Variants in RWDD1 observed in about 807,000 individuals in gnomAD.
The protein encoded by RWDD1 is RWD domain containing 1.
In RWDD1, 17 loss-of-function variants were observed where a neutral mutation model predicts 31.6. The observed-to-expected ratio is 0.54, with a 90% CI of 0.37 to 0.81. RWDD1 has a LOEUF of 0.81. Ranked by LOEUF, RWDD1 falls within the 30% of genes least tolerant of loss-of-function variation. The probability of loss-of-function intolerance (pLI) is 0.00; values close to 1 mark genes in which losing one functional copy is unlikely to be tolerated. For missense variants in RWDD1, 204 were observed against 274.5 expected (o/e 0.74, Z 1.82); for synonymous variants, 78 against 94.2 (o/e 0.83, Z 0.99).
rs1775123022 is a variant in RWDD1, at chr6:116,590,500, AATAT to A, written c.547+98_547+101del. On this transcript the variant is annotated intron_variant, in intron 5 of 6. Coordinates refer to ENST00000466444, the MANE Select transcript of RWDD1 (RefSeq NM_015952.4). ...TTTGGTCAGATTTCTGTAAGAAAAT[AATAT>A]ACATAGGCATCTAGGACAAAAAGAG... 2.8e-6 allele frequency: 4 copies of A among 1,413,622 alleles called. No homozygotes were observed. The East Asian group carries it at 9.7e-5, about 34-fold the overall frequency. The allele number at this position is 1,413,622 out of a possible 1,614,324, so 87.6% of individuals were successfully genotyped here.
At position 116,593,299 on chromosome 6, in the gene RWDD1, G is replaced by A; in HGVS notation, c.*198G>A. The A allele has an allele frequency of 2.1e-6, 1 of 471,782 alleles. No individual in the cohort carries two copies. The highest frequency in any genetic ancestry group is 3.5e-6 in the Non-Finnish European group (1 of 282,568). The allele number at this position is 471,782 out of a possible 1,614,324, so 29.2% of individuals were successfully genotyped here. The stretch of plus-strand genomic sequence containing the variant: ...AATGTTCAAGGCTTCTTACTGTTGA[G>A]CACAAGGTTACGTATTTAAAATCAC... On this transcript the variant is annotated 3_prime_UTR_variant, in exon 7 of 7. Coordinates refer to ENST00000466444, the MANE Select transcript of RWDD1 (RefSeq NM_015952.4).
At chr6:116,578,431 C>T (rs925136189) in intron 1 of RWDD1, among the ~76,000 whole-genome samples, 3 of 152,144 alleles carry the variant, frequency 2.0e-5, no homozygotes, top group African/African-American at 4.8e-5. Flanking sequence ...AGCACAAGCA[C>T]AAAGTGATGC....
chr6:116,583,726 C>T (rs1184092742), intron 2 of RWDD1, among the ~76,000 whole-genome samples: 1 of 151,806 alleles, frequency 6.6e-6, no homozygotes, highest in Non-Finnish European at 1.5e-5. Context: ...AATCTTGTTC[C>T]ACCAATAAAA....
Position 116,590,869 on chromosome 6 carries a change from AC to A in RWDD1, c.548-18del, listed in dbSNP as rs1775130755. 2.0e-6 allele frequency: 3 copies of A among 1,502,762 alleles called. No individual in the cohort carries two copies. Among genetic ancestry groups the A allele is most frequent in the Non-Finnish European group, 1.8e-6 (2 of 1,117,462 alleles). 93.1% of individuals were successfully genotyped at this position (1,502,762 alleles called of 1,614,324 possible). ...AAACTATGCCATTTGAATTAAACAT[AC>A]TTTTTTTTTTTTTTTAGGGAAACAA... On this transcript the variant is annotated intron_variant, in intron 5 of 6. Coordinates refer to ENST00000466444, the MANE Select transcript of RWDD1 (RefSeq NM_015952.4).
At chr6:116,576,448 G>A (rs147993568) in intron 1 of RWDD1, among the ~76,000 whole-genome samples, 30 of 152,184 alleles carry the variant, frequency 2.0e-4, no homozygotes, top group Middle Eastern at 3.4e-3. Flanking sequence ...TTTGTACCCT[G>A]TAGTTCTTTT....
intron 4 of RWDD1, among the ~76,000 whole-genome samples, chr6:116,589,830 A>T (rs1775106374): frequency 1.3e-5 from 2 of 152,170 alleles, no homozygotes; most frequent in Non-Finnish European, 2.9e-5. Flanking sequence ...TGTGAGATTT[A>T]TTCACTATCA....
chr6:116,583,086 T>C (rs1288886072), intron 2 of RWDD1, among the ~76,000 whole-genome samples: 1 of 151,980 alleles, frequency 6.6e-6, no homozygotes, highest in African/African-American at 2.4e-5. Flanking sequence ...CAAGCAGTTC[T>C]CCCACCTCAG....
intron 1 of RWDD1, among the ~76,000 whole-genome samples, chr6:116,577,239 A>C (rs1293468069): frequency 6.6e-6 from 1 of 152,222 alleles, no homozygotes; most frequent in Non-Finnish European, 1.5e-5. Context: ...AGGATGGGGT[A>C]GAATGAGGAG....
chr6:116,579,698 A>G (rs778104074), intron 1 of RWDD1, among the ~76,000 whole-genome samples: 1 of 152,182 alleles, frequency 6.6e-6, no homozygotes, highest in Non-Finnish European at 1.5e-5. Flanking sequence ...ATTACATGCA[A>G]TCTGATGTTT....
intron 6 of RWDD1, among the ~76,000 whole-genome samples, chr6:116,591,586 C>A (rs1170234931): frequency 6.6e-6 from 1 of 152,252 alleles, no homozygotes; most frequent in African/African-American, 2.4e-5. Flanking sequence ...TTCCATCTAT[C>A]CATCATCGAT....
chr6:116,580,858 TTAAA>T (rs1487114501), intron 2 of RWDD1, among the ~76,000 whole-genome samples: 3 of 152,098 alleles, frequency 2.0e-5, no homozygotes, highest in Non-Finnish European at 4.4e-5. Context: ...TAAATTAAAG[TTAAA>T]TAAATTAAAT....
At chr6:116,577,603 A>G (rs917436624) in intron 1 of RWDD1, among the ~76,000 whole-genome samples, 1 of 151,910 alleles carries the variant, frequency 6.6e-6, no homozygotes, top group Non-Finnish European at 1.5e-5. Context: ...GTGGCATCAC[A>G]TTCTCAGCCT....
chr6:116,592,435 A>G (rs73553480), intron 6 of RWDD1, among the ~76,000 whole-genome samples: 13 of 152,244 alleles, frequency 8.5e-5, no homozygotes, highest in African/African-American at 3.1e-4. Context: ...TGTATTACCT[A>G]CTTCAGACAC....
chr6:116,593,156 T>C lies in RWDD1; in HGVS notation c.*55T>C. Reference sequence around the variant, plus strand: ...ACTGCCACAGCATCTGTGGCTATGCTCAGAGGGTTATGATTTTCCTTTCTT... The same window carrying C: ...ACTGCCACAGCATCTGTGGCTATGCCCAGAGGGTTATGATTTTCCTTTCTT... On this transcript the variant is annotated 3_prime_UTR_variant, in exon 7 of 7. Transcript: ENST00000466444. The C allele has an allele frequency of 4.7e-6, 7 of 1,499,110 alleles. No homozygotes were observed. The highest frequency in any genetic ancestry group is 6.3e-6 in the Non-Finnish European group (7 of 1,119,124). The allele number at this position is 1,499,110 out of a possible 1,614,324, so 92.9% of individuals were successfully genotyped here.
intron 6 of RWDD1, among the ~76,000 whole-genome samples, chr6:116,591,818 A>G (rs549098294): frequency 6.6e-6 from 1 of 152,382 alleles, no homozygotes; most frequent in Admixed American, 6.5e-5. Context: ...CTGGCCTTTC[A>G]GCCTTGTTCT....
rs1359377579 is a variant in RWDD1, at chr6:116,577,097, G to GT, written c.74-3197dup. Among the ~76,000 whole-genome samples the GT allele has an allele frequency of 3.3e-5, 5 of 152,188 alleles. No homozygotes were observed. In the East Asian group the frequency reaches 9.6e-4, roughly 29 times the overall value. On this transcript the variant is annotated intron_variant, in intron 1 of 6. Transcript: ENST00000466444. The stretch of plus-strand genomic sequence containing the variant: ...CTTTGAGTTACACATATTTTTTAGT[G>GT]TGTTATTTGTGATTCTACCCCTTTC...
intron 1 of RWDD1, chr6:116,572,372 T>TG (rs1312588616): frequency 4.6e-5 from 7 of 152,240 alleles, no homozygotes; most frequent in Non-Finnish European, 1.0e-4. Context: ...GCGGCAGGGC[T>TG]GGTACTGAGT....
chr6:116,573,964 T>C (rs1213949683), intron 1 of RWDD1: 12 of 981,304 alleles, frequency 1.2e-5, no homozygotes, highest in Non-Finnish European at 1.5e-5. Context: ...AATTAATTGC[T>C]TTGACTATTT....
chr6:116,572,741 T>C (rs1370003882), intron 1 of RWDD1: 3 of 468,690 alleles, frequency 6.4e-6, no homozygotes, highest in South Asian at 9.0e-5. Context: ...TAAGGTATAT[T>C]ACTTTAACTT....
Sources: gnomAD v4.1 joint callset for allele counts (sites outside exome capture counted in the v4.1 genomes callset) on GRCh38, gnomAD v4.1.1 for gene constraint, MANE v1.5 for transcripts, NCBI Gene and HGNC (gene_info 2026-07-23, HGNC 2026-07-21) for gene names.